Variants in IFI44 observed in about 807,000 individuals in gnomAD.
IFI44 encodes interferon induced protein 44, also known as interferon-induced protein 44.
Under a neutral mutation model 45.0 loss-of-function variants are expected in IFI44, and 42 were observed. That is an observed-to-expected ratio of 0.93 (90% CI 0.73 to 1.21). The LOEUF is 1.21. Ranked by LOEUF, IFI44 falls within the 50% of genes most tolerant of loss-of-function variation. The pLI is 0.00. For synonymous variants in IFI44, 221 were observed against 188.6 expected, an observed-to-expected ratio of 1.17 and a Z score of -1.41; for missense variants, 623 against 525.8, an observed-to-expected ratio of 1.18 and a Z score of -1.81.
chr1:78,651,577 G>A (rs1390784084), intron 2 of IFI44, among the ~76,000 whole-genome samples: 1 of 152,170 alleles, frequency 6.6e-6, no homozygotes, highest in African/African-American at 2.4e-5. Flanking sequence ...GTGGTCCCGG[G>A]AGTTGGGGAC....
At chr1:78,654,211 T>G (rs376437689) in intron 2 of IFI44, 32 bp from the exon 3 acceptor site, 1 of 1,248,960 alleles carries the variant, frequency 8.0e-7, no homozygotes, top group Non-Finnish European at 1.2e-6. Flanking sequence ...CGACAACTTC[T>G]AATCTACATT....
At chr1:78,663,417 C>T (rs1365216356) in intron 8 of IFI44, 15 of 985,198 alleles carry the variant, frequency 1.5e-5, no homozygotes, top group Non-Finnish European at 1.7e-5. Context: ...ATTACATAAA[C>T]TTTCTTTTAA....
intron 5 of IFI44, among the ~76,000 whole-genome samples, chr1:78,658,826 C>A (rs1380014157): frequency 6.6e-6 from 1 of 152,070 alleles, no homozygotes; most frequent in African/African-American, 2.4e-5. Flanking sequence ...ACAAATGTTC[C>A]AGCAGTTAAT....
chr1:78,655,067 T>C lies in IFI44; in HGVS notation c.548T>C (p.Leu183Pro), dbSNP rs1647184458. ...ALRTYEPYGS[L>P]VQQIRILLLG... Reference sequence around the variant, plus strand: ...AGAACTTATGAACCATATGGATCCCTGGTTCAACAAATACGAATTCTGCTG... The same window carrying C: ...AGAACTTATGAACCATATGGATCCCCGGTTCAACAAATACGAATTCTGCTG... Residue 183 changes from leucine to proline, a missense_variant, in exon 4 of 9, where the codon CTG becomes CCG. Coordinates refer to ENST00000370747, the MANE Select transcript of IFI44 (RefSeq NM_006417.5). The C allele has an allele frequency of 6.2e-7, 1 of 1,613,978 alleles. No individual in the cohort carries two copies. Among genetic ancestry groups the C allele is most frequent in the Non-Finnish European group, 8.5e-7 (1 of 1,179,866 alleles).
intron 2 of IFI44, among the ~76,000 whole-genome samples, chr1:78,652,494 T>A (rs532059981): frequency 6.6e-6 from 1 of 152,364 alleles, no homozygotes; most frequent in African/African-American, 2.4e-5. Context: ...TACCAGGACA[T>A]AAAATTACCA....
intron 5 of IFI44, among the ~76,000 whole-genome samples, chr1:78,656,960 T>C (rs1337561045): frequency 6.6e-6 from 1 of 151,772 alleles, no homozygotes; most frequent in Non-Finnish European, 1.5e-5. Flanking sequence ...GCATCAAAAA[T>C]TTTTGACTCA....
At chr1:78,659,565 G>C in intron 6 of IFI44, 82 bp downstream of exon 6, 3 of 1,089,310 alleles carry the variant, frequency 2.8e-6, no homozygotes, top group Non-Finnish European at 3.9e-6. Flanking sequence ...TTTTGGACAG[G>C]ATAAAGAACT....
intron 5 of IFI44, 75 bp from the exon 6 acceptor site, chr1:78,659,237 G>T: frequency 1.7e-6 from 2 of 1,204,344 alleles, no homozygotes; most frequent in Non-Finnish European, 1.2e-6. Context: ...TGATTCACTT[G>T]CACAGTGCCT....
At chr1:78,651,371 C>G (rs927391453) in intron 2 of IFI44, among the ~76,000 whole-genome samples, 12 of 152,132 alleles carry the variant, frequency 7.9e-5, no homozygotes, top group Non-Finnish European at 8.8e-5. Context: ...AGCCTAGATC[C>G]CTCATGCACA....
rs575553416 is a variant in IFI44, at chr1:78,655,599, A to G, written c.840+88A>G. 22 of 1,183,796 alleles carry G rather than the reference A, an allele frequency of 1.9e-5. No homozygotes were observed. In the South Asian group the frequency reaches 3.6e-4, roughly 19 times the overall value. The allele number at this position is 1,183,796 out of a possible 1,614,324, so 73.3% of individuals were successfully genotyped here. On this transcript the variant is annotated intron_variant, in intron 5 of 8. Coordinates refer to ENST00000370747, the MANE Select transcript of IFI44 (RefSeq NM_006417.5). ...ATCAGCGTTTATCTTCTTAAATTAT[A>G]CTTGCTCAAGATCCTTTGTCTCTTT...
chr1:78,652,658 C>T (rs1335788140), intron 2 of IFI44, among the ~76,000 whole-genome samples: 3 of 152,184 alleles, frequency 2.0e-5, no homozygotes, highest in South Asian at 4.1e-4. Context: ...ATAGTTTGTT[C>T]CTTTTCATTC....
chr1:78,654,906 T>G (rs1647182275), intron 3 of IFI44, 108 bp from the exon 4 acceptor site: 3 of 856,494 alleles, frequency 3.5e-6, no homozygotes, highest in Non-Finnish European at 5.0e-6. Flanking sequence ...AGAAGTCAAG[T>G]TGCTAATCAA....
chr1:78,663,857 A>G lies in IFI44; in HGVS notation c.*46A>G. ...AATTTCCTCACATCACAGAAGATTA[A>G]AATTCAGAAAGGAGAAAACACAGAC... On this transcript the variant is annotated 3_prime_UTR_variant, in exon 9 of 9. Transcript: ENST00000370747. 6.3e-7 allele frequency: 1 copy of G among 1,579,306 alleles called. No individual in the cohort carries two copies. Among genetic ancestry groups the G allele is most frequent in the Non-Finnish European group, 8.6e-7 (1 of 1,158,150 alleles).
At chr1:78,663,421 C>A in intron 8 of IFI44, 1 of 985,342 alleles carries the variant, frequency 1.0e-6, no homozygotes. Context: ...CATAAACTTT[C>A]TTTTAACAAT....
Position 78,663,801 on chromosome 1 carries a change from G to GA in IFI44, c.1332dup (p.Ter445IlefsTer4). 2 of 1,609,990 alleles carry GA rather than the reference G, an allele frequency of 1.2e-6. No homozygotes were observed. The highest frequency in any genetic ancestry group is 1.1e-5 in the South Asian group (1 of 90,350). ...GAGGAAATTATCAACTGTGCACAAG[G>GA]AAAAAAATAGATATGTGAAAGGTTC... On this transcript the variant is annotated frameshift_variant, in exon 9 of 9. Coordinates refer to ENST00000370747, the MANE Select transcript of IFI44 (RefSeq NM_006417.5). LOFTEE classifies it high-confidence loss of function.
intron 6 of IFI44, 140 bp downstream of exon 6, chr1:78,659,623 A>G (rs1221302732): frequency 6.6e-6 from 4 of 607,948 alleles, no homozygotes; most frequent in South Asian, 3.0e-5. Context: ...GGATGCTTCA[A>G]TGAAATTGAG....
At chr1:78,662,497 G>T (rs1285961971) in intron 7 of IFI44, 1 of 533,828 alleles carries the variant, frequency 1.9e-6, no homozygotes, top group Non-Finnish European at 3.3e-6. Context: ...AGAATCCACT[G>T]CATGTATTCC....
intron 6 of IFI44, 102 bp downstream of exon 6, chr1:78,659,585 G>T: frequency 1.2e-6 from 1 of 854,068 alleles, no homozygotes; most frequent in Non-Finnish European, 1.8e-6. Context: ...TTAAGTCATT[G>T]CATATTTCAA....
At position 78,655,163 on chromosome 1, in the gene IFI44, C is replaced by T. The variant is rs771157470; in HGVS notation, c.644C>T (p.Thr215Met). The T allele has an allele frequency of 7.0e-5, 113 of 1,613,790 alleles. No individual in the cohort carries two copies. The highest frequency in any genetic ancestry group is 8.1e-5 in the Non-Finnish European group (95 of 1,179,858). Residue 215 changes from threonine to methionine, a missense_variant, in exon 4 of 9, where the codon ACG (threonine) becomes ATG (methionine). By Grantham distance (81) the Thr-to-Met change is moderately conservative. Transcript: ENST00000370747. ...AGGTCTGTTTTCCAAGGGCATGTAA[C>T]GCATCAGGCTTTGGTGGGCACTAAT... The part of the protein sequence containing the change: ...SVRSVFQGHV[T>M]HQALVGTNTT...
Sources: allele counts gnomAD v4.1 joint callset (sites outside exome capture counted in the v4.1 genomes callset), GRCh38; gene constraint gnomAD v4.1.1; transcripts MANE v1.5; gene names NCBI Gene and HGNC (gene_info 2026-07-23, HGNC 2026-07-21).